PIAS2: variants seen among roughly 807,000 people sequenced by gnomAD.
PIAS2 encodes protein inhibitor of activated STAT 2, also known as E3 SUMO-protein ligase PIAS2.
PIAS2 carries 19 observed loss-of-function variants against 69.7 expected under a neutral mutation model. The observed-to-expected ratio is 0.27, with a 90% CI of 0.19 to 0.40. The LOEUF is 0.40. Ranked by LOEUF, PIAS2 falls within the 10% of genes least tolerant of loss-of-function variation. PIAS2 has a pLI of 1.00. For missense variants in PIAS2, 624 were observed against 757.0 expected, an observed-to-expected ratio of 0.82 and a Z score of 2.06; for synonymous variants, 261 against 263.2, an observed-to-expected ratio of 0.99 and a Z score of 0.08.
chr18:46,905,390 TG>T (rs1384367613), intron 1 of PIAS2, among the ~76,000 whole-genome samples: 1 of 151,926 alleles, frequency 6.6e-6, no homozygotes, highest in Non-Finnish European at 1.5e-5. Flanking sequence ...TAAATAACTA[TG>T]TTAAAATGCT....
At chr18:46,843,955 T>C (rs2045788610) in intron 8 of PIAS2, 99 bp downstream of exon 8, 2 of 645,754 alleles carry the variant, frequency 3.1e-6, no homozygotes, top group Admixed American at 5.8e-5. Context: ...AGTTCAGCAT[T>C]CTTCATAATA....
At chr18:46,866,107 G>C (rs911176500) in intron 2 of PIAS2, among the ~76,000 whole-genome samples, 1 of 152,088 alleles carries the variant, frequency 6.6e-6, no homozygotes, top group African/African-American at 2.4e-5. Context: ...AGTACAAATG[G>C]AGAACTAAAA....
intron 2 of PIAS2, among the ~76,000 whole-genome samples, chr18:46,865,918 T>A (rs1234311979): frequency 6.6e-6 from 1 of 152,218 alleles, no homozygotes. Context: ...AACCCTTTTT[T>A]TCTTGTTCGG....
chr18:46,879,092 T>C (rs2051741001), intron 2 of PIAS2, among the ~76,000 whole-genome samples: 1 of 152,228 alleles, frequency 6.6e-6, no homozygotes, highest in Admixed American at 6.5e-5. Context: ...TCCTGAGCTA[T>C]CCGGTTCTCA....
chr18:46,847,982 T>A lies in PIAS2; in HGVS notation c.727-1141A>T, dbSNP rs541999996. Among the ~76,000 whole-genome samples the A allele has an allele frequency of 1.3e-3, 195 of 152,308 alleles. 4 individuals are homozygous for A. The highest frequency in any genetic ancestry group is 8.4e-4 in the Non-Finnish European group (57 of 68,026). ...TGATGCTAGGATGTCAGTGATGTAATTTAATTATGTACTATTGAGAAAGAG... is the reference window on the plus strand; with the variant it reads ...TGATGCTAGGATGTCAGTGATGTAAATTAATTATGTACTATTGAGAAAGAG... On this transcript the variant is annotated intron_variant, in intron 5 of 13. Transcript: ENST00000585916.
intron 2 of PIAS2, among the ~76,000 whole-genome samples, chr18:46,875,997 A>G (rs2051124484): frequency 6.6e-6 from 1 of 152,228 alleles, no homozygotes; most frequent in African/African-American, 2.4e-5. Context: ...GTCTCTCACA[A>G]CAAGGGGACA....
At chr18:46,876,697 A>AT (rs57650764) in intron 2 of PIAS2, among the ~76,000 whole-genome samples, 3,620 of 142,950 alleles carry the variant, frequency 0.025, 126 homozygotes, top group African/African-American at 0.078. Context: ...CCCTTTACTA[A>AT]TTTTTTTTTT....
intron 1 of PIAS2, among the ~76,000 whole-genome samples, chr18:46,912,746 A>G (rs1263734213): frequency 6.6e-6 from 1 of 152,204 alleles, no homozygotes; most frequent in East Asian, 1.9e-4. Flanking sequence ...TGGAACAACA[A>G]TAAAACCCTA....
chr18:46,887,875 G>A (rs1199238265), intron 2 of PIAS2, among the ~76,000 whole-genome samples: 2 of 152,032 alleles, frequency 1.3e-5, no homozygotes, highest in Non-Finnish European at 2.9e-5. Context: ...GAGCAACTAA[G>A]CAAGAAAAAG....
At chr18:46,843,675 A>G (rs1224680216) in intron 8 of PIAS2, among the ~76,000 whole-genome samples, 1 of 152,186 alleles carries the variant, frequency 6.6e-6, no homozygotes, top group Non-Finnish European at 1.5e-5. Context: ...GACATCCTAC[A>G]CATCCTAACT....
chr18:46,905,115 GACC>G (rs972101312), intron 1 of PIAS2, among the ~76,000 whole-genome samples: 45 of 152,044 alleles, frequency 3.0e-4, no homozygotes, highest in African/African-American at 9.4e-4. Context: ...TATTAAAATG[GACC>G]ACATTTTTAA....
At chr18:46,846,981 C>T in intron 5 of PIAS2, 140 bp from the exon 6 acceptor site, 3 of 605,920 alleles carry the variant, frequency 5.0e-6, no homozygotes, top group Middle Eastern at 4.6e-4. Context: ...CCCTTATGAT[C>T]ATTATCAACC....
At chr18:46,823,741 C>G (rs1289397698) in intron 11 of PIAS2, among the ~76,000 whole-genome samples, 1 of 152,184 alleles carries the variant, frequency 6.6e-6, no homozygotes, top group Non-Finnish European at 1.5e-5. Context: ...TTCCCATTAC[C>G]TGAATGTTGC....
intron 2 of PIAS2, among the ~76,000 whole-genome samples, chr18:46,879,964 G>A (rs1010958877): frequency 3.3e-5 from 5 of 151,986 alleles, no homozygotes; most frequent in African/African-American, 1.2e-4. Flanking sequence ...AATGCATATA[G>A]AGTTTCAGTT....
chr18:46,824,866 A>G (rs2042631405), intron 11 of PIAS2, among the ~76,000 whole-genome samples: 1 of 150,918 alleles, frequency 6.6e-6, no homozygotes, highest in African/African-American at 2.4e-5. Flanking sequence ...CAAAAAAATT[A>G]GCTGGGGGTG....
intron 2 of PIAS2, among the ~76,000 whole-genome samples, chr18:46,885,640 C>T (rs769172390): frequency 1.7e-4 from 26 of 151,434 alleles, no homozygotes; most frequent in African/African-American, 4.4e-4. Context: ...CTGTTTTTCG[C>T]GCCACTGCAC....
Position 46,855,572 on chromosome 18 carries a change from G to A in PIAS2, c.628C>T (p.Gln210Ter). The change falls in exon 4 of 14, where the codon CAG becomes TAG. Residue 210 changes from glutamine (Q) to a stop codon, truncating the protein, a stop_gained. Coordinates refer to ENST00000585916, the MANE Select transcript of PIAS2 (RefSeq NM_004671.5). LOFTEE classifies it high-confidence loss of function. The part of the protein sequence containing the change: ...GGRRDYTVQV[Q>*]LRLCLAETSC... ...AGAAAATTTCAAACTCACCTCAACT[G>A]AACTTGGACTGTATAATCTCTCCTA... is the stretch of plus-strand genomic sequence containing the variant. 6.2e-7 allele frequency: 1 copy of A among 1,613,208 alleles called. No individual in the cohort carries two copies. The highest frequency in any genetic ancestry group is 8.5e-7 in the Non-Finnish European group (1 of 1,179,360).
At chr18:46,864,576 G>A (rs1392547950) in intron 2 of PIAS2, among the ~76,000 whole-genome samples, 1 of 152,112 alleles carries the variant, frequency 6.6e-6, no homozygotes, top group East Asian at 1.9e-4. Context: ...TTCGAGACCA[G>A]CCTGACCAAC....
chr18:46,896,785 G>C (rs1361721873), intron 1 of PIAS2, among the ~76,000 whole-genome samples: 1 of 152,182 alleles, frequency 6.6e-6, no homozygotes, highest in Non-Finnish European at 1.5e-5. Context: ...AATGTTTCCT[G>C]TGAGTGTAGA....
Sources: gnomAD v4.1 joint callset for allele counts (sites outside exome capture counted in the v4.1 genomes callset) on GRCh38, gnomAD v4.1.1 for gene constraint, MANE v1.5 for transcripts, NCBI Gene and HGNC (gene_info 2026-07-23, HGNC 2026-07-21) for gene names.